CMSS1: variants seen among roughly 807,000 people sequenced by gnomAD.
CMSS1 encodes cms1 ribosomal small subunit homolog.
In CMSS1, 33 loss-of-function variants were observed where a neutral mutation model predicts 43.5. The ratio of observed to expected loss-of-function variants is 0.76; its 90% CI spans 0.57 to 1.01. The LOEUF (loss-of-function observed/expected upper bound fraction) is 1.01, where lower values mean the gene tolerates loss of function less well. Ranked by LOEUF, CMSS1 falls within the 50% of genes least tolerant of loss-of-function variation. The pLI is 0.00. For missense variants in CMSS1, 313 were observed against 326.4 expected, an observed-to-expected ratio of 0.96 and a Z score of 0.32; for synonymous variants, 115 against 117.2, an observed-to-expected ratio of 0.98 and a Z score of 0.12.
intron 1 of CMSS1, chr3:99,926,030 A>C: frequency 1.0e-5 from 2 of 194,470 alleles, no homozygotes; most frequent in Non-Finnish European, 1.9e-5. Context: ...ATACAGATGC[A>C]GTAAGTGATA....
intron 1 of CMSS1, among the ~76,000 whole-genome samples, chr3:99,950,895 G>A (rs1054188169): frequency 1.3e-5 from 2 of 152,122 alleles, no homozygotes; most frequent in Non-Finnish European, 1.5e-5. Flanking sequence ...AACTGATCAC[G>A]GAGACAGTAG....
chr3:99,939,449 A>G (rs1707790481), intron 1 of CMSS1, among the ~76,000 whole-genome samples: 1 of 152,076 alleles, frequency 6.6e-6, no homozygotes, highest in Non-Finnish European at 1.5e-5. Flanking sequence ...CATTTCTTAC[A>G]CCACCTAGTT....
At chr3:100,052,264 A>G (rs908480350) in intron 1 of CMSS1, among the ~76,000 whole-genome samples, 2 of 152,246 alleles carry the variant, frequency 1.3e-5, no homozygotes, top group East Asian at 3.8e-4. Context: ...TTGCATGAGC[A>G]GACATGGCAC....
chr3:99,875,270 G>A (rs996268276), intron 1 of CMSS1, among the ~76,000 whole-genome samples: 3 of 152,106 alleles, frequency 2.0e-5, no homozygotes, highest in Admixed American at 6.5e-5. Context: ...GGTAGCAATA[G>A]CCTCTTCAGG....
At chr3:100,156,446 T>A (rs1180339732) in intron 2 of CMSS1, among the ~76,000 whole-genome samples, 1 of 149,132 alleles carries the variant, frequency 6.7e-6, no homozygotes, top group South Asian at 2.1e-4. Flanking sequence ...GTAGCTGGGA[T>A]TACAGGCGTG....
chr3:99,857,256 T>A (rs1257879910), intron 1 of CMSS1, among the ~76,000 whole-genome samples: 1 of 152,266 alleles, frequency 6.6e-6, no homozygotes, highest in Admixed American at 6.5e-5. Context: ...GGGTTTCCCA[T>A]CAGTGTTCTC....
chr3:99,982,429 C>G (rs1194482307), intron 1 of CMSS1, among the ~76,000 whole-genome samples: 3 of 152,140 alleles, frequency 2.0e-5, no homozygotes, highest in Admixed American at 2.0e-4. Flanking sequence ...CATCGTCAGC[C>G]TCCTGGGCTC....
intron 1 of CMSS1, among the ~76,000 whole-genome samples, chr3:100,028,077 G>A (rs940809893): frequency 4.6e-5 from 7 of 152,204 alleles, no homozygotes; most frequent in South Asian, 2.1e-4. Context: ...TTTAGGAGAC[G>A]AATAATAATA....
rs1384205958 is a variant in CMSS1 at position 99,983,420 on chromosome 3, GTA to G, written c.65-163551_65-163550del. Among the ~76,000 whole-genome samples, 26 of 59,354 alleles carry G rather than the reference GTA, an allele frequency of 4.4e-4. 2 individuals are homozygous for G. The highest frequency in any genetic ancestry group is 2.6e-3 in the East Asian group (8 of 3,054). The allele number at this position is 59,354 out of a possible 152,430, so 38.9% of individuals were successfully genotyped here. ...TATATATATATATATATATATATATGTATGTATGTATGTATATATATGTATGT... is the reference window on the plus strand; with the variant it reads ...TATATATATATATATATATATATATGTGTATGTATGTATATATATGTATGT... On this transcript the variant is annotated intron_variant, in intron 1 of 9. Coordinates refer to ENST00000421999, the MANE Select transcript of CMSS1 (RefSeq NM_032359.4).
chr3:99,831,134 T>A (rs1942656494), intron 1 of CMSS1, among the ~76,000 whole-genome samples: 1 of 152,210 alleles, frequency 6.6e-6, no homozygotes, highest in Non-Finnish European at 1.5e-5. Context: ...GGATATTTGA[T>A]TTTAGCATTG....
intron 1 of CMSS1, among the ~76,000 whole-genome samples, chr3:100,117,802 C>A: frequency 7.9e-6 from 1 of 127,256 alleles, no homozygotes; most frequent in Admixed American, 8.2e-5. Context: ...CCCAAATGTC[C>A]ATCAATGGAT....
Position 99,913,633 on chromosome 3 carries a change from T to C in CMSS1, c.64+95590T>C, listed in dbSNP as rs1477525316. 2.0e-5 allele frequency among the ~76,000 whole-genome samples: 3 copies of C among 152,210 alleles called. No individual in the cohort carries two copies. In the East Asian group the frequency reaches 5.8e-4, roughly 29 times the overall value. On this transcript the variant is annotated intron_variant, in intron 1 of 9. Coordinates refer to ENST00000421999, the MANE Select transcript of CMSS1 (RefSeq NM_032359.4). ...AAAAGTATTGTATGATCTTCATGAATTGCTGATATATGCTTGTAATAATCT... is the reference window on the plus strand; with the variant it reads ...AAAAGTATTGTATGATCTTCATGAACTGCTGATATATGCTTGTAATAATCT...
At chr3:99,974,035 C>T (rs1055199418) in intron 1 of CMSS1, among the ~76,000 whole-genome samples, 4 of 152,200 alleles carry the variant, frequency 2.6e-5, no homozygotes, top group Non-Finnish European at 4.4e-5. Flanking sequence ...CAATTCCTTC[C>T]AAGTTTAAGA....
intron 1 of CMSS1, among the ~76,000 whole-genome samples, chr3:100,089,069 G>A (rs1261542411): frequency 1.1e-4 from 17 of 152,104 alleles, no homozygotes. Context: ...GTATTAGAAG[G>A]CATCAGTGAG....
chr3:99,958,221 T>TATTATG (rs1708392621), intron 1 of CMSS1, among the ~76,000 whole-genome samples: 1 of 145,862 alleles, frequency 6.9e-6, no homozygotes, highest in Non-Finnish European at 1.5e-5. Context: ...TTATTATTAT[T>TATTATG]ATTATTATTA....
Position 99,911,119 on chromosome 3 carries a change from T to A in CMSS1, c.64+93076T>A, listed in dbSNP as rs577968425. On this transcript the variant is annotated intron_variant, in intron 1 of 9. Coordinates refer to ENST00000421999, the MANE Select transcript of CMSS1 (RefSeq NM_032359.4). Reference sequence around the variant, plus strand: ...AGGTAGCGCATTACACACCCACATCTCCCTTTCTGGGATTTAGGATGAAAT... The same window carrying A: ...AGGTAGCGCATTACACACCCACATCACCCTTTCTGGGATTTAGGATGAAAT... Among the ~76,000 whole-genome samples the A allele has an allele frequency of 1.9e-3, 282 of 152,210 alleles. 1 individual carries two copies. Among genetic ancestry groups the A allele is most frequent in the African/African-American group, 6.5e-3 (271 of 41,550 alleles).
chr3:100,020,581 A>G (rs115213344), intron 1 of CMSS1, among the ~76,000 whole-genome samples: 1 of 152,120 alleles, frequency 6.6e-6, no homozygotes, highest in African/African-American at 2.4e-5. Context: ...CTTTTGCCAT[A>G]AGCTAAAAGG....
intron 1 of CMSS1, among the ~76,000 whole-genome samples, chr3:99,934,061 C>T (rs1003625229): frequency 6.6e-6 from 1 of 152,230 alleles, no homozygotes; most frequent in African/African-American, 2.4e-5. Flanking sequence ...CGGGTCATCT[C>T]ATCTCAGCTG....
intron 4 of CMSS1, among the ~76,000 whole-genome samples, chr3:100,164,902 G>C (rs979186644): frequency 6.6e-6 from 1 of 152,124 alleles, no homozygotes; most frequent in East Asian, 1.9e-4. Flanking sequence ...ATTGTGCACT[G>C]TACATTGTTA....
Sources: allele counts gnomAD v4.1 joint callset (sites outside exome capture counted in the v4.1 genomes callset), GRCh38; gene constraint gnomAD v4.1.1; transcripts MANE v1.5; gene names NCBI Gene and HGNC (gene_info 2026-07-23, HGNC 2026-07-21).